Variants in MOB1B observed in about 807,000 individuals in gnomAD.
MOB1B encodes the protein MOB1 Mps One Binder homolog B.
In MOB1B, 19 loss-of-function variants were observed where a neutral mutation model predicts 24.4. The observed-to-expected ratio is 0.78, with a 90% CI of 0.54 to 1.14. The LOEUF is 1.14. MOB1B is among the 50% of genes most tolerant of loss of function. The pLI, the probability that MOB1B is intolerant of heterozygous loss-of-function variation, is 0.00. For synonymous variants in MOB1B, 76 were observed against 82.1 expected, an observed-to-expected ratio of 0.93 and a Z score of 0.40; for missense variants, 243 against 259.6, an observed-to-expected ratio of 0.94 and a Z score of 0.44.
chr4:70,958,848 C>G (rs764550820), intron 1 of MOB1B, 26 bp from the exon 2 acceptor site: 2 of 1,584,094 alleles, frequency 1.3e-6, no homozygotes, highest in Non-Finnish European at 8.6e-7. Flanking sequence ...AATATTAAAC[C>G]CTTTTTTTTT....
intron 1 of MOB1B, among the ~76,000 whole-genome samples, chr4:70,921,799 G>T (rs1432598610): frequency 2.0e-5 from 3 of 152,058 alleles, no homozygotes; most frequent in Non-Finnish European, 4.4e-5. Flanking sequence ...GAGCCACCGT[G>T]CCTGGCCCGC....
intron 1 of MOB1B, among the ~76,000 whole-genome samples, chr4:70,958,449 A>G (rs1738160626): frequency 6.6e-6 from 1 of 152,074 alleles, no homozygotes; most frequent in Non-Finnish European, 1.5e-5. Context: ...TACAGGTGTG[A>G]GCCACTGTGC....
rs1553934415 is a variant in MOB1B at position 70,921,499 on chromosome 4, C to CCCCTCCCCTT, written c.14+18958_14+18959insTCCCTCCCCT. On this transcript the variant is annotated intron_variant, in intron 1 of 5. Coordinates refer to ENST00000309395, the MANE Select transcript of MOB1B (RefSeq NM_173468.4). ...TCTCTTCTCTCCCCTCCCCTCCCCTCCCCTCCCCTCCCCTTCCCTTTTCCT... is the reference window on the plus strand; with the variant it reads ...TCTCTTCTCTCCCCTCCCCTCCCCTCCCCTCCCCTTCCCTCCCCTCCCCTTCCCTTTTCCT... Among the ~76,000 whole-genome samples the CCCCTCCCCTT allele has an allele frequency of 2.6e-3, 312 of 118,996 alleles. 2 individuals carry two copies. The highest frequency in any genetic ancestry group is 0.01 in the African/African-American group (304 of 29,762). 78.1% of individuals were successfully genotyped at this position (118,996 alleles called of 152,430 possible). A position where few individuals can be genotyped will look rare whatever the true frequency, so the allele number is the denominator to read the frequency against.
chr4:70,957,437 T>C (rs904458911), intron 1 of MOB1B, among the ~76,000 whole-genome samples: 36 of 150,124 alleles, frequency 2.4e-4, no homozygotes, highest in African/African-American at 7.3e-4. Flanking sequence ...TCTCTCTCTT[T>C]TTTTTTTTTT....
At chr4:70,955,315 C>G (rs1292010257) in intron 1 of MOB1B, among the ~76,000 whole-genome samples, 1 of 152,084 alleles carries the variant, frequency 6.6e-6, no homozygotes, top group Admixed American at 6.6e-5. Flanking sequence ...CTGCAGCCAT[C>G]TCAGCCGTGT....
At chr4:70,966,611 T>G (rs1218308113) in intron 2 of MOB1B, among the ~76,000 whole-genome samples, 3 of 151,814 alleles carry the variant, frequency 2.0e-5, no homozygotes, top group Non-Finnish European at 2.9e-5. Flanking sequence ...TGACCTCAGG[T>G]GATCCACCTG....
At chr4:70,965,206 A>G (rs1300942929) in intron 2 of MOB1B, among the ~76,000 whole-genome samples, 1 of 148,954 alleles carries the variant, frequency 6.7e-6, no homozygotes, top group East Asian at 2.0e-4. Flanking sequence ...CTGAAGCAGG[A>G]GAATCACTTG....
chr4:70,927,068 T>G (rs1024300944), intron 1 of MOB1B, among the ~76,000 whole-genome samples: 23 of 151,880 alleles, frequency 1.5e-4, no homozygotes, highest in Admixed American at 1.5e-3. Context: ...GAGACCAGCG[T>G]GTTACATAGA....
At chr4:70,947,262 A>T (rs981575453) in intron 1 of MOB1B, among the ~76,000 whole-genome samples, 1 of 152,076 alleles carries the variant, frequency 6.6e-6, no homozygotes, top group Non-Finnish European at 1.5e-5. Context: ...GGGTCTTCTT[A>T]TTGTTGATTT....
At chr4:70,949,428 T>C (rs1471666462) in intron 1 of MOB1B, among the ~76,000 whole-genome samples, 1 of 152,254 alleles carries the variant, frequency 6.6e-6, no homozygotes, top group Non-Finnish European at 1.5e-5. Flanking sequence ...GAACACATTC[T>C]ATTTTGACAG....
At position 70,975,235 on chromosome 4, in the gene MOB1B, A is replaced by G. The variant is rs779615480; in HGVS notation, c.358A>G (p.Thr120Ala). ...SAPKYIDYLM[T>A]WVQDQLDDET... Reference sequence around the variant, plus strand: ...ACCAAAGTATATTGATTACTTGATGACTTGGGTTCAGGACCAGTTGGATGA... The same window carrying G: ...ACCAAAGTATATTGATTACTTGATGGCTTGGGTTCAGGACCAGTTGGATGA... Residue 120 changes from threonine (T) to alanine (A), a missense_variant, in exon 4 of 6, where the codon ACT (threonine) becomes GCT (alanine). Transcript: ENST00000309395. 1.1e-5 allele frequency: 17 copies of G among 1,613,752 alleles called. No homozygotes were observed. In the East Asian group the frequency reaches 3.6e-4, roughly 34 times the overall value.
At chr4:70,954,638 T>C (rs1737961449) in intron 1 of MOB1B, among the ~76,000 whole-genome samples, 2 of 152,106 alleles carry the variant, frequency 1.3e-5, no homozygotes, top group South Asian at 4.2e-4. Flanking sequence ...ACGTTTTTAG[T>C]ACAGATAGGG....
Position 70,988,098 on chromosome 4 carries a change from T to G in MOB1B, c.*6041T>G, listed in dbSNP as rs924123188. On this transcript the variant is annotated 3_prime_UTR_variant, in exon 6 of 6. Coordinates refer to ENST00000309395, the MANE Select transcript of MOB1B (RefSeq NM_173468.4). ...GGGAAATATTTAAATTCTAGGTGTTTTTTTTTTTTTAAAGAAGAAACTCAA... is the reference window on the plus strand; with the variant it reads ...GGGAAATATTTAAATTCTAGGTGTTGTTTTTTTTTTAAAGAAGAAACTCAA... 3 of 152,166 alleles carry G rather than the reference T, an allele frequency of 2.0e-5. No homozygotes were observed. Among genetic ancestry groups the G allele is most frequent in the African/African-American group, 7.3e-5 (3 of 41,366 alleles). The allele number at this position is 152,166 out of a possible 1,614,324, so 9.4% of individuals were successfully genotyped here.
chr4:70,965,211 C>T (rs1375126947), intron 2 of MOB1B, among the ~76,000 whole-genome samples: 1 of 145,446 alleles, frequency 6.9e-6, no homozygotes, highest in East Asian at 2.1e-4. Context: ...GCAGGAGAAT[C>T]ACTTGAACCT....
chr4:70,953,485 A>C (rs936434257), intron 1 of MOB1B, among the ~76,000 whole-genome samples: 2 of 152,224 alleles, frequency 1.3e-5, no homozygotes, highest in Non-Finnish European at 1.5e-5. Context: ...GGAAATGAGG[A>C]ACGGAGAAGA....
At chr4:70,933,542 CTTTTTTTTTT>C (rs34950388) in intron 1 of MOB1B, among the ~76,000 whole-genome samples, 58 of 91,636 alleles carry the variant, frequency 6.3e-4, no homozygotes, top group South Asian at 3.3e-3. Flanking sequence ...AAAAATAACT[CTTTTTTTTTT>C]TTTTTTTTTT....
At chr4:70,929,861 C>T (rs993239641) in intron 1 of MOB1B, among the ~76,000 whole-genome samples, 1 of 151,964 alleles carries the variant, frequency 6.6e-6, no homozygotes, top group African/African-American at 2.4e-5. Context: ...TCTCGATCTC[C>T]TGACCTTGTG....
At chr4:70,959,625 T>C (rs1424437475) in intron 2 of MOB1B, among the ~76,000 whole-genome samples, 1 of 152,234 alleles carries the variant, frequency 6.6e-6, no homozygotes, top group Non-Finnish European at 1.5e-5. Context: ...TCAAACACTG[T>C]ATAGACATAC....
intron 1 of MOB1B, among the ~76,000 whole-genome samples, chr4:70,954,364 G>T (rs1454406493): frequency 6.6e-6 from 1 of 152,208 alleles, no homozygotes; most frequent in Non-Finnish European, 1.5e-5. Flanking sequence ...ATAGGCTCTG[G>T]AAAGCTAAGT....
Sources: gnomAD v4.1 joint callset for allele counts (sites outside exome capture counted in the v4.1 genomes callset) on GRCh38, gnomAD v4.1.1 for gene constraint, MANE v1.5 for transcripts, NCBI Gene and HGNC (gene_info 2026-07-23, HGNC 2026-07-21) for gene names.